The following PAG1 variants were observed in gnomAD, a reference collection of about 807,000 sequenced individuals.
PAG1 encodes the protein phosphoprotein associated with glycosphingolipid-enriched microdomains 1.
In PAG1, 23 loss-of-function variants were observed where a neutral mutation model predicts 31.7. The ratio of observed to expected loss-of-function variants is 0.73; its 90% confidence interval spans 0.52 to 1.03. The LOEUF (loss-of-function observed/expected upper bound fraction) is 1.03. Ranked by LOEUF, PAG1 falls within the 50% of genes least tolerant of loss-of-function variation. PAG1 has a pLI of 0.00. For synonymous variants in PAG1, 214 were observed against 210.3 expected (o/e 1.02, Z -0.15); for missense variants, 473 against 540.7 (o/e 0.87, Z 1.24).
Position 80,987,476 on chromosome 8 carries a change from A to G in PAG1, c.178-10T>C. The G allele has an allele frequency of 6.5e-7, 1 of 1,543,178 alleles. No individual in the cohort carries two copies. Among genetic ancestry groups the G allele is most frequent in the South Asian group, 1.1e-5 (1 of 89,608 alleles). On this transcript the variant is annotated splice_polypyrimidine_tract_variant and intron_variant, in intron 5 of 8. Coordinates refer to ENST00000220597, the MANE Select transcript of PAG1 (RefSeq NM_018440.4). The stretch of plus-strand genomic sequence containing the variant: ...TCTCCTTGTCTGAAGGCTGAAAACA[A>G]AAACAAAAACAAAAACAAATGCATC...
chr8:81,110,311 T>C (rs915617635), intron 1 of PAG1, among the ~76,000 whole-genome samples: 2 of 152,192 alleles, frequency 1.3e-5, no homozygotes, highest in Non-Finnish European at 2.9e-5. Context: ...TACCCAATAC[T>C]CCAAATATTC....
intron 6 of PAG1, 53 bp from the exon 7 acceptor site, chr8:80,985,430 T>C: frequency 1.3e-6 from 2 of 1,529,560 alleles, no homozygotes; most frequent in Non-Finnish European, 1.8e-6. Flanking sequence ...TCAATAATTA[T>C]TACCGAGAAT....
At chr8:81,038,974 G>A (rs1808508133) in intron 2 of PAG1, among the ~76,000 whole-genome samples, 1 of 152,184 alleles carries the variant, frequency 6.6e-6, no homozygotes, top group Non-Finnish European at 1.5e-5. Context: ...ATGAACTAAT[G>A]TATGTTTAAA....
chr8:81,033,933 G>A (rs1406836521), intron 2 of PAG1, among the ~76,000 whole-genome samples: 1 of 152,230 alleles, frequency 6.6e-6, no homozygotes, highest in African/African-American at 2.4e-5. Flanking sequence ...TGGGGAAGGA[G>A]TAATGATGTT....
At chr8:80,977,954 T>G (rs1807217740) in intron 8 of PAG1, among the ~76,000 whole-genome samples, 1 of 152,236 alleles carries the variant, frequency 6.6e-6, no homozygotes, top group Non-Finnish European at 1.5e-5. Flanking sequence ...ATGAACATGC[T>G]TCCTCACAGA....
At chr8:81,043,886 A>T (rs1252352101) in intron 2 of PAG1, among the ~76,000 whole-genome samples, 1 of 152,166 alleles carries the variant, frequency 6.6e-6, no homozygotes, top group Non-Finnish European at 1.5e-5. Context: ...ACCTTCTGGG[A>T]ATTCTTAAAT....
chr8:81,059,858 A>G (rs1808889496), intron 2 of PAG1, among the ~76,000 whole-genome samples: 1 of 152,092 alleles, frequency 6.6e-6, no homozygotes. Context: ...TCTACTAAAA[A>G]TGCAAAAATT....
intron 2 of PAG1, among the ~76,000 whole-genome samples, chr8:81,052,926 A>G (rs1314919677): frequency 6.6e-6 from 1 of 152,266 alleles, no homozygotes; most frequent in African/African-American, 2.4e-5. Flanking sequence ...ACAAATGCCA[A>G]GATCAAAGAT....
intron 3 of PAG1, among the ~76,000 whole-genome samples, chr8:81,010,316 A>G (rs1807959407): frequency 6.6e-6 from 1 of 152,184 alleles, no homozygotes; most frequent in South Asian, 2.1e-4. Flanking sequence ...CACACAACAT[A>G]AAGACTCAGA....
intron 2 of PAG1, among the ~76,000 whole-genome samples, chr8:81,052,947 T>C (rs541206188): frequency 6.6e-6 from 1 of 152,350 alleles, no homozygotes; most frequent in African/African-American, 2.4e-5. Context: ...GATAAGACAA[T>C]GAGCGGATAT....
intron 3 of PAG1, among the ~76,000 whole-genome samples, chr8:80,996,152 C>G (rs530094882): frequency 1.5e-4 from 23 of 152,380 alleles, no homozygotes; most frequent in Admixed American, 3.3e-4. Context: ...TCCTCTTGGA[C>G]CCTCTAAGTG....
chr8:80,983,161 C>T (rs948219571), intron 7 of PAG1, among the ~76,000 whole-genome samples: 1 of 152,180 alleles, frequency 6.6e-6, no homozygotes, highest in African/African-American at 2.4e-5. Context: ...CTTAAAAAGC[C>T]AGTTGCAAGC....
intron 3 of PAG1, among the ~76,000 whole-genome samples, chr8:81,004,299 G>C (rs1807837954): frequency 6.6e-6 from 1 of 152,202 alleles, no homozygotes; most frequent in Non-Finnish European, 1.5e-5. Flanking sequence ...TGATAAGCTT[G>C]AGGAGGTTCC....
chr8:81,032,242 A>G (rs1277259871), intron 2 of PAG1, among the ~76,000 whole-genome samples: 2 of 152,192 alleles, frequency 1.3e-5, no homozygotes, highest in Non-Finnish European at 2.9e-5. Flanking sequence ...AATATTTGTA[A>G]TTTAAAGGAC....
chr8:81,047,740 C>T (rs1007889762), intron 2 of PAG1, among the ~76,000 whole-genome samples: 18 of 152,172 alleles, frequency 1.2e-4, no homozygotes, highest in African/African-American at 4.3e-4. Flanking sequence ...AAGGAAACAG[C>T]TTCTCTCTGC....
chr8:81,018,581 T>C (rs1346694845), intron 3 of PAG1, among the ~76,000 whole-genome samples: 1 of 152,236 alleles, frequency 6.6e-6, no homozygotes, highest in Admixed American at 6.5e-5. Flanking sequence ...GTTCTCATGA[T>C]GGTGAATGGG....
At chr8:81,005,455 C>G (rs1462511582) in intron 3 of PAG1, among the ~76,000 whole-genome samples, 1 of 152,156 alleles carries the variant, frequency 6.6e-6, no homozygotes, top group Non-Finnish European at 1.5e-5. Context: ...TTCAGTCTGA[C>G]ATGGCTGAAT....
At position 80,975,853 on chromosome 8, in the gene PAG1, A is replaced by C. The variant is rs1442123820; in HGVS notation, c.*691T>G. Reference sequence around the variant, plus strand: ...CAAGTACTTTGGGGAGAGGCTGCTGATATCGAATGCCAAAATAAGAAGGAA... The same window carrying C: ...CAAGTACTTTGGGGAGAGGCTGCTGCTATCGAATGCCAAAATAAGAAGGAA... On this transcript the variant is annotated 3_prime_UTR_variant, in exon 9 of 9. Transcript: ENST00000220597. 1 of 152,220 alleles carries C rather than the reference A, an allele frequency of 6.6e-6. No individual in the cohort carries two copies. Among genetic ancestry groups the C allele is most frequent in the East Asian group, 1.9e-4 (1 of 5,188 alleles). The allele number at this position is 152,220 out of a possible 1,614,324, so 9.4% of individuals were successfully genotyped here.
chr8:81,019,498 C>A, intron 3 of PAG1, among the ~76,000 whole-genome samples: 1 of 152,240 alleles, frequency 6.6e-6, no homozygotes, highest in East Asian at 1.9e-4. Context: ...TCAGTTCCAG[C>A]CATGGCTAAA....
Sources: gnomAD v4.1 joint callset for allele counts (sites outside exome capture counted in the v4.1 genomes callset) on GRCh38, gnomAD v4.1.1 for gene constraint, MANE v1.5 for transcripts, NCBI Gene and HGNC (gene_info 2026-07-23, HGNC 2026-07-21) for gene names.